Variants in GFOD1 observed in about 807,000 individuals in gnomAD.
The protein encoded by GFOD1 is Gfo/Idh/MocA-like oxidoreductase domain containing 1, also known as glucose-fructose oxidoreductase domain-containing protein 1.
A neutral mutation model predicts 25.4 loss-of-function variants in GFOD1; 9 were observed. That is an observed-to-expected ratio of 0.35 (90% CI 0.21 to 0.62). The LOEUF (loss-of-function observed/expected upper bound fraction) is 0.62. GFOD1 is among the 20% of genes least tolerant of loss of function. The pLI, the probability that GFOD1 is intolerant of heterozygous loss-of-function variation, is 0.72. For missense variants in GFOD1, 403 were observed against 556.9 expected, an observed-to-expected ratio of 0.72 and a Z score of 2.78; for synonymous variants, 253 against 245.6, an observed-to-expected ratio of 1.03 and a Z score of -0.28.
At position 13,409,151 on chromosome 6, in the gene GFOD1, G is replaced by GAAAGAAAGGA. The variant is rs751020501; in HGVS notation, c.254-43490_254-43489insTCCTTTCTTT. Among the ~76,000 whole-genome samples, 45 of 64,576 alleles carry GAAAGAAAGGA rather than the reference G, an allele frequency of 7.0e-4. 1 individual carries two copies. Among genetic ancestry groups the GAAAGAAAGGA allele is most frequent in the African/African-American group, 3.1e-3 (42 of 13,438 alleles). 42.4% of individuals were successfully genotyped at this position (64,576 alleles called of 152,430 possible). A position where few individuals can be genotyped will look rare whatever the true frequency, so the allele number is the denominator to read the frequency against. On this transcript the variant is annotated intron_variant, in intron 1 of 1. Coordinates refer to ENST00000379287, the MANE Select transcript of GFOD1 (RefSeq NM_018988.4). ...AAAGAAAGAAAGAAAGAAAGAAAGA[G>GAAAGAAAGGA]AGGAAAGAAAGAAAGGAAAGAGAGA...
intron 1 of GFOD1, among the ~76,000 whole-genome samples, chr6:13,465,844 T>C (rs957825672): frequency 1.3e-5 from 2 of 152,212 alleles, no homozygotes; most frequent in Non-Finnish European, 1.5e-5. Context: ...AAAAGATCCA[T>C]GTGCACTATC....
At chr6:13,389,166 G>A (rs976322367) in intron 1 of GFOD1, among the ~76,000 whole-genome samples, 4 of 152,212 alleles carry the variant, frequency 2.6e-5, no homozygotes, top group African/African-American at 9.7e-5. Context: ...CTGTTGGTGG[G>A]AGTGTAAATT....
chr6:13,400,781 T>C (rs1785826097), intron 1 of GFOD1, among the ~76,000 whole-genome samples: 1 of 152,192 alleles, frequency 6.6e-6, no homozygotes, highest in Non-Finnish European at 1.5e-5. Flanking sequence ...ATCTGGTGAC[T>C]AGAGAGTAAA....
intron 1 of GFOD1, among the ~76,000 whole-genome samples, chr6:13,384,632 A>G (rs768327017): frequency 3.9e-5 from 6 of 152,218 alleles, no homozygotes; most frequent in African/African-American, 7.2e-5. Flanking sequence ...AGAGGCCCTC[A>G]ATGATCCACA....
intron 1 of GFOD1, among the ~76,000 whole-genome samples, chr6:13,408,962 G>C (rs1052137810): frequency 6.6e-6 from 1 of 151,760 alleles, no homozygotes; most frequent in African/African-American, 2.4e-5. Flanking sequence ...GCATGTGCCT[G>C]TAATCCCAAG....
chr6:13,463,593 G>T (rs1258088314), intron 1 of GFOD1, among the ~76,000 whole-genome samples: 2 of 152,202 alleles, frequency 1.3e-5, no homozygotes, highest in Non-Finnish European at 2.9e-5. Flanking sequence ...ATTAAGCATG[G>T]TGAAATCAGT....
intron 1 of GFOD1, among the ~76,000 whole-genome samples, chr6:13,392,458 C>CT (rs545656009): frequency 4.8e-5 from 7 of 147,110 alleles, no homozygotes; most frequent in African/African-American, 1.2e-4. Context: ...TTCTTAATTA[C>CT]TTTTTTTTTT....
At chr6:13,381,501 A>C (rs1242742359) in intron 1 of GFOD1, among the ~76,000 whole-genome samples, 2 of 152,200 alleles carry the variant, frequency 1.3e-5, no homozygotes, top group Non-Finnish European at 2.9e-5. Context: ...TCCCTTCTAC[A>C]TCCTGGGGAT....
In GFOD1 at chr6:13,365,547, G is replaced by A; in HGVS notation, c.369C>T (p.Arg123=). 1 of 1,611,752 alleles carries A rather than the reference G, an allele frequency of 6.2e-7. No homozygotes were observed. The highest frequency in any genetic ancestry group is 2.2e-5 in the East Asian group (1 of 44,872). ...TCATGCGCACGAAAGCCGGCAGGAA[G>A]CGCAGCACGTTGCCCATGATGCTCA... The part of the protein sequence containing the change: ...KLMSIMGNVL[R]FLPAFVRMKQ... Residue 123 remains arginine (R), a synonymous_variant, in exon 2 of 2, where the codon CGC becomes CGT. Transcript: ENST00000379287. The surrounding 1 kb of genome is among the most constrained non-coding windows in gnomAD (Gnocchi z 9.2).
At position 13,455,832 on chromosome 6, in the gene GFOD1, G is replaced by A. The variant is rs113125301; in HGVS notation, c.253+30806C>T. Among the ~76,000 whole-genome samples, 270 of 152,296 alleles carry A rather than the reference G, an allele frequency of 1.8e-3. 1 individual carries two copies. The highest frequency in any genetic ancestry group is 5.9e-3 in the African/African-American group (246 of 41,570). On this transcript the variant is annotated intron_variant, in intron 1 of 1. Coordinates refer to ENST00000379287, the MANE Select transcript of GFOD1 (RefSeq NM_018988.4). ...TAACAGGGAGGGGGACTCATTACCC[G>A]GAGCATCCTCAACTCCCAGTCGGTC...
chr6:13,474,876 A>T (rs1211732921), intron 1 of GFOD1, among the ~76,000 whole-genome samples: 2 of 152,222 alleles, frequency 1.3e-5, no homozygotes, highest in African/African-American at 2.4e-5. Flanking sequence ...AGCACCCCTC[A>T]CCTGGTAGTC....
intron 1 of GFOD1, among the ~76,000 whole-genome samples, chr6:13,369,536 C>A (rs1785108381): frequency 6.6e-6 from 1 of 152,114 alleles, no homozygotes; most frequent in African/African-American, 2.4e-5. Flanking sequence ...GTGATGCATG[C>A]CTGTAGTCCC....
chr6:13,442,522 C>T (rs112523841), intron 1 of GFOD1, among the ~76,000 whole-genome samples: 6,646 of 152,242 alleles, frequency 0.044, 521 homozygotes, highest in African/African-American at 0.15. Context: ...ACTTTCATAG[C>T]TAGAGAGAAG....
chr6:13,464,462 C>T (rs1758345859), intron 1 of GFOD1, among the ~76,000 whole-genome samples: 1 of 152,244 alleles, frequency 6.6e-6, no homozygotes, highest in South Asian at 2.1e-4. Flanking sequence ...AAGCTCCTCC[C>T]TGTCCAGCTA....
In GFOD1 at chr6:13,361,066, A is replaced by G. The variant is rs73364950; in HGVS notation, c.*3677T>C. ...ATGGATTGTATGAGATAACATACTTAAAATACTCTGCACACAGTGGACAAG... is the reference window on the plus strand; with the variant it reads ...ATGGATTGTATGAGATAACATACTTGAAATACTCTGCACACAGTGGACAAG... On this transcript the variant is annotated 3_prime_UTR_variant, in exon 2 of 2. Coordinates refer to ENST00000379287, the MANE Select transcript of GFOD1 (RefSeq NM_018988.4). The G allele has an allele frequency of 1.0e-3, 365 of 356,692 alleles. 1 individual carries two copies. The highest frequency in any genetic ancestry group is 7.3e-3 in the African/African-American group (344 of 46,854). The allele number at this position is 356,692 out of a possible 1,614,324, so 22.1% of individuals were successfully genotyped here.
At chr6:13,372,194 T>C (rs1328283291) in intron 1 of GFOD1, among the ~76,000 whole-genome samples, 1 of 152,080 alleles carries the variant, frequency 6.6e-6, no homozygotes, top group East Asian at 1.9e-4. Context: ...CAAAATGAGA[T>C]CCGTGGGAAA....
chr6:13,451,395 C>A (rs955191850), intron 1 of GFOD1, among the ~76,000 whole-genome samples: 7 of 152,168 alleles, frequency 4.6e-5, no homozygotes, highest in African/African-American at 1.7e-4. Flanking sequence ...GCTGTGCAAC[C>A]AGGCCTGGTG....
At chr6:13,382,161 C>T (rs568667097) in intron 1 of GFOD1, among the ~76,000 whole-genome samples, 72 of 152,244 alleles carry the variant, frequency 4.7e-4, no homozygotes, top group African/African-American at 1.7e-3. Context: ...CTCTGTGTAT[C>T]TGTGCTTATC....
chr6:13,399,530 G>A (rs1215436478), intron 1 of GFOD1, among the ~76,000 whole-genome samples: 1 of 152,168 alleles, frequency 6.6e-6, no homozygotes, highest in Admixed American at 6.5e-5. Context: ...TCATAAAATA[G>A]AATACTACTC....
Sources: allele counts gnomAD v4.1 joint callset (sites outside exome capture counted in the v4.1 genomes callset), GRCh38; gene constraint gnomAD v4.1.1; non-coding constraint Gnocchi (gnomAD v3.1); transcripts MANE v1.5; gene names NCBI Gene and HGNC (gene_info 2026-07-23, HGNC 2026-07-21).